CADM2: variants seen among roughly 807,000 people sequenced by gnomAD.
The protein encoded by CADM2 is immunoglobulin superfamily member 4D.
A neutral mutation model predicts 49.8 loss-of-function variants in CADM2; 12 were observed. The ratio of observed to expected loss-of-function variants is 0.24; its 90% confidence interval spans 0.15 to 0.39. CADM2 has a LOEUF of 0.39. Ranked by LOEUF, CADM2 falls within the 10% of genes least tolerant of loss-of-function variation. The pLI, the probability that CADM2 is intolerant of heterozygous loss-of-function variation, is 1.00. For missense variants in CADM2, 378 were observed against 492.3 expected, an observed-to-expected ratio of 0.77 and a Z score of 2.20; for synonymous variants, 214 against 175.4, an observed-to-expected ratio of 1.22 and a Z score of -1.74.
intron 1 of CADM2, among the ~76,000 whole-genome samples, chr3:85,428,126 A>G (rs2036497868): frequency 6.6e-6 from 1 of 151,550 alleles, no homozygotes; most frequent in Non-Finnish European, 1.5e-5. Context: ...TTTCACTATG[A>G]ACTGTTGAGT....
At chr3:85,328,483 C>A (rs950082463) in intron 1 of CADM2, among the ~76,000 whole-genome samples, 2 of 152,130 alleles carry the variant, frequency 1.3e-5, no homozygotes, top group Non-Finnish European at 2.9e-5. Context: ...GCTCTGAAGC[C>A]CACAGGACAG....
At chr3:85,316,983 T>A (rs558262532) in intron 1 of CADM2, among the ~76,000 whole-genome samples, 1 of 152,108 alleles carries the variant, frequency 6.6e-6, no homozygotes, top group East Asian at 1.9e-4. Flanking sequence ...CAGAAATAGG[T>A]GGTAGAGCTT....
intron 1 of CADM2, among the ~76,000 whole-genome samples, chr3:85,160,747 A>G (rs2040297902): frequency 1.3e-5 from 2 of 152,230 alleles, no homozygotes; most frequent in South Asian, 4.1e-4. Context: ...CATTTATGCA[A>G]TAATTAGTCT....
intron 1 of CADM2, among the ~76,000 whole-genome samples, chr3:85,455,677 C>G (rs1306305637): frequency 6.6e-6 from 1 of 152,086 alleles, no homozygotes; most frequent in African/African-American, 2.4e-5. Context: ...CCTGTAGTTG[C>G]AACTGAAGGC....
chr3:85,145,879 A>T (rs2039723927), intron 1 of CADM2, among the ~76,000 whole-genome samples: 1 of 152,138 alleles, frequency 6.6e-6, no homozygotes, highest in African/African-American at 2.4e-5. Context: ...ATTAAGTTTG[A>T]TGTTAACACG....
At chr3:85,292,986 T>G (rs1394522364) in intron 1 of CADM2, among the ~76,000 whole-genome samples, 2 of 152,028 alleles carry the variant, frequency 1.3e-5, no homozygotes, top group Non-Finnish European at 2.9e-5. Context: ...CTTCAAAAAA[T>G]TAATGATTCC....
At chr3:85,943,247 A>G (rs529147775) in intron 7 of CADM2, among the ~76,000 whole-genome samples, 1 of 138,602 alleles carries the variant, frequency 7.2e-6, no homozygotes, top group East Asian at 2.1e-4. Context: ...CCTTTGTCAG[A>G]TGAGTAGGTT....
chr3:85,779,331 C>T (rs780841278), intron 2 of CADM2, among the ~76,000 whole-genome samples: 29 of 152,166 alleles, frequency 1.9e-4, no homozygotes, highest in Non-Finnish European at 3.1e-4. Context: ...TGCAGTTTTG[C>T]GCTGAGCATC....
At chr3:85,358,688 A>G (rs183482435) in intron 1 of CADM2, among the ~76,000 whole-genome samples, 3 of 152,320 alleles carry the variant, frequency 2.0e-5, no homozygotes, top group East Asian at 3.9e-4. Flanking sequence ...ATCAAGTACT[A>G]ATCTTAGAAG....
chr3:85,449,574 A>G (rs1021695781), intron 1 of CADM2, among the ~76,000 whole-genome samples: 4 of 147,032 alleles, frequency 2.7e-5, no homozygotes, highest in African/African-American at 9.9e-5. Context: ...TTTTTTTCTG[A>G]GTTTTATTTC....
At chr3:85,802,450 A>G (rs1465815996) in intron 3 of CADM2, among the ~76,000 whole-genome samples, 1 of 151,998 alleles carries the variant, frequency 6.6e-6, no homozygotes, top group East Asian at 1.9e-4. Flanking sequence ...CTTAACAACC[A>G]TTTCCTGTCT....
chr3:84,959,385 G>A lies in CADM2; in HGVS notation c.-223G>A. On this transcript the variant is annotated 5_prime_UTR_variant, in exon 1 of 10. Coordinates refer to ENST00000383699, the MANE Select transcript of CADM2 (RefSeq NM_001167675.2). ...GGCTGCACCACCAGCAGGAGGAGGA[G>A]GAGAAGAAACTATTTCGCGATACCC... is the stretch of plus-strand genomic sequence containing the variant. The A allele has an allele frequency of 5.2e-6, 3 of 577,640 alleles. No homozygotes were observed. The highest frequency in any genetic ancestry group is 3.1e-6 in the Non-Finnish European group (1 of 324,906). The allele number at this position is 577,640 out of a possible 1,614,324, so 35.8% of individuals were successfully genotyped here. A position where few individuals can be genotyped will look rare whatever the true frequency, so the allele number is the denominator to read the frequency against.
At chr3:85,942,198 C>T (rs913621730) in intron 7 of CADM2, among the ~76,000 whole-genome samples, 5 of 151,802 alleles carry the variant, frequency 3.3e-5, no homozygotes, top group African/African-American at 1.2e-4. Flanking sequence ...TAGGACAGCC[C>T]ATATTTCAAT....
At chr3:86,024,295 T>C (rs964809396) in intron 8 of CADM2, among the ~76,000 whole-genome samples, 1 of 152,246 alleles carries the variant, frequency 6.6e-6, no homozygotes, top group Non-Finnish European at 1.5e-5. Context: ...AATTTTATCA[T>C]TTCAATGTAT....
At chr3:85,157,611 T>C (rs1451572916) in intron 1 of CADM2, among the ~76,000 whole-genome samples, 3 of 152,128 alleles carry the variant, frequency 2.0e-5, no homozygotes, top group African/African-American at 7.2e-5. Flanking sequence ...ATTTAATAAA[T>C]GGTGCTGGGA....
chr3:85,090,563 A>G (rs921949729), intron 1 of CADM2, among the ~76,000 whole-genome samples: 4 of 152,152 alleles, frequency 2.6e-5, no homozygotes, highest in African/African-American at 9.7e-5. Context: ...CTGCCTTCAA[A>G]CCTAGCAATT....
In CADM2 at chr3:84,969,957, G is replaced by A. The variant is rs180902268; in HGVS notation, c.61+10289G>A. ...CCACATTATCTTCTTGTTCTACTTT[G>A]AGTAGCTGGCATTTCCGGATAAATG... is the stretch of plus-strand genomic sequence containing the variant. On this transcript the variant is annotated intron_variant, in intron 1 of 9. Coordinates refer to ENST00000383699, the MANE Select transcript of CADM2 (RefSeq NM_001167675.2). 3.5e-3 allele frequency among the ~76,000 whole-genome samples: 535 copies of A among 151,030 alleles called. 4 individuals are homozygous for A. The highest frequency in any genetic ancestry group is 0.012 in the African/African-American group (486 of 41,216).
chr3:85,706,980 T>G (rs1198605465), intron 1 of CADM2, among the ~76,000 whole-genome samples: 1 of 152,092 alleles, frequency 6.6e-6, no homozygotes, highest in Non-Finnish European at 1.5e-5. Flanking sequence ...TTATTTTTAA[T>G]TTTTGAGACT....
intron 1 of CADM2, among the ~76,000 whole-genome samples, chr3:85,609,051 A>T (rs556339665): frequency 6.6e-6 from 1 of 152,118 alleles, no homozygotes; most frequent in African/African-American, 2.4e-5. Flanking sequence ...TCTGTTCTCC[A>T]GGTTTCCTCC....
Sources: gnomAD v4.1 joint callset for allele counts (sites outside exome capture counted in the v4.1 genomes callset) on GRCh38, gnomAD v4.1.1 for gene constraint, MANE v1.5 for transcripts, NCBI Gene and HGNC (gene_info 2026-07-23, HGNC 2026-07-21) for gene names.